Variants in SLF1 observed in about 807,000 individuals in gnomAD.
SLF1 encodes SMC5/6 complex localization factor 1.
Under a neutral mutation model 123.0 loss-of-function variants are expected in SLF1, and 105 were observed. The ratio of observed to expected loss-of-function variants is 0.85; its 90% CI spans 0.73 to 1.00. The LOEUF is 1.00. Among genes scored for constraint, SLF1 ranks in the 50% least tolerant of loss-of-function variants. The pLI, the probability that SLF1 is intolerant of heterozygous loss-of-function variation, is 0.00. For synonymous variants in SLF1, 434 were observed against 406.6 expected, an observed-to-expected ratio of 1.07 and a Z score of -0.81; for missense variants, 1,239 against 1,223.0, an observed-to-expected ratio of 1.01 and a Z score of -0.20.
At chr5:94,676,038 A>G (rs891789913) in intron 14 of SLF1, among the ~76,000 whole-genome samples, 5 of 151,730 alleles carry the variant, frequency 3.3e-5, no homozygotes, top group African/African-American at 1.2e-4. Context: ...GGTGGTCTAA[A>G]GTGATCTTGA....
chr5:94,642,315 A>T (rs888533394), intron 4 of SLF1, among the ~76,000 whole-genome samples: 12 of 152,194 alleles, frequency 7.9e-5, no homozygotes, highest in South Asian at 2.1e-4. Context: ...CATTTAATGG[A>T]GTCATGTGGC....
At chr5:94,625,129 C>T (rs1222834913) in intron 1 of SLF1, among the ~76,000 whole-genome samples, 1 of 150,126 alleles carries the variant, frequency 6.7e-6, no homozygotes, top group Non-Finnish European at 1.5e-5. Context: ...GGAGGCGGAG[C>T]TTGCAGTGAG....
intron 12 of SLF1, 136 bp downstream of exon 12, chr5:94,666,160 TTTA>T: frequency 4.9e-6 from 4 of 813,258 alleles, no homozygotes; most frequent in Non-Finnish European, 5.3e-6. Flanking sequence ...ATGTATTGTA[TTTA>T]TTGCAAAACT....
Position 94,695,390 on chromosome 5 carries a change from T to A in SLF1, c.*78T>A, listed in dbSNP as rs1753455159. ...ACTTACTGTGGACTTCATAGCTTAC[T>A]GACAGATAGTAATTTGATTTATTTA... is the stretch of plus-strand genomic sequence containing the variant. On this transcript the variant is annotated 3_prime_UTR_variant, in exon 21 of 21. Transcript: ENST00000265140. The A allele has an allele frequency of 7.2e-7, 1 of 1,388,438 alleles. No homozygotes were observed. Among genetic ancestry groups the A allele is most frequent in the Non-Finnish European group, 9.5e-7 (1 of 1,054,984 alleles). The allele number at this position is 1,388,438 out of a possible 1,614,324, so 86.0% of individuals were successfully genotyped here. A position where few individuals can be genotyped will look rare whatever the true frequency, so the allele number is the denominator to read the frequency against.
intron 1 of SLF1, among the ~76,000 whole-genome samples, chr5:94,623,191 C>T (rs935014581): frequency 6.6e-6 from 1 of 152,110 alleles, no homozygotes; most frequent in African/African-American, 2.4e-5. Flanking sequence ...GCACCAACTA[C>T]AAAGGAATTT....
At position 94,694,957 on chromosome 5, in the gene SLF1, C is replaced by T; in HGVS notation, c.2822C>T (p.Ala941Val). The T allele has an allele frequency of 1.2e-6, 2 of 1,612,608 alleles. No homozygotes were observed. The highest frequency in any genetic ancestry group is 8.5e-7 in the Non-Finnish European group (1 of 1,179,118). ...GAAGATACAGTGGAGAACTTTCATG[C>T]ACAAGCAGAGAAACATTTTCATTAC... is the stretch of plus-strand genomic sequence containing the variant. ...KIEDTVENFH[A>V]QAEKHFHYQQ... Residue 941 changes from alanine (A) to valine (V), a missense_variant, in exon 21 of 21, where the codon GCA becomes GTA. Physicochemically the swap from Ala to Val is moderately conservative, Grantham distance 64. Coordinates refer to ENST00000265140, the MANE Select transcript of SLF1 (RefSeq NM_032290.4).
intron 12 of SLF1, among the ~76,000 whole-genome samples, chr5:94,667,661 C>T (rs1428886347): frequency 3.3e-5 from 5 of 152,190 alleles, no homozygotes; most frequent in Non-Finnish European, 7.3e-5. Context: ...TCATCTTCAC[C>T]ACTTTCTTGA....
intron 1 of SLF1, among the ~76,000 whole-genome samples, chr5:94,619,526 A>G (rs1032864085): frequency 6.6e-6 from 1 of 152,118 alleles, no homozygotes; most frequent in Non-Finnish European, 1.5e-5. Context: ...CGGGTACTTC[A>G]TATCATTATT....
At chr5:94,621,710 T>G (rs917510665) in intron 1 of SLF1, among the ~76,000 whole-genome samples, 1 of 152,170 alleles carries the variant, frequency 6.6e-6, no homozygotes, top group Non-Finnish European at 1.5e-5. Context: ...CCTCCTAAGC[T>G]TCTCATTTTT....
rs1343945785 is a variant in SLF1, at chr5:94,695,318, C to A, written c.*6C>A. On this transcript the variant is annotated 3_prime_UTR_variant, in exon 21 of 21. Coordinates refer to ENST00000265140, the MANE Select transcript of SLF1 (RefSeq NM_032290.4). ...CAGTCATGGAGTTTTCATGATGATG[C>A]TAGAAAGTATGGATTGACTTTCTAA... 6.3e-7 allele frequency: 1 copy of A among 1,595,916 alleles called. No individual in the cohort carries two copies.
intron 18 of SLF1, 137 bp from the exon 19 acceptor site, chr5:94,691,427 G>T: frequency 2.0e-6 from 1 of 511,308 alleles, no homozygotes. Context: ...TGCAGGGGAT[G>T]TTTAAACCAG....
rs1469581060 is a variant in SLF1, at chr5:94,691,493, A to T, written c.2420-71A>T. Reference sequence around the variant, plus strand: ...GGCATGGGGCCAGATCTCCTAGTTCATGCCCTTTGATTATTTTTTTTAGTT... The same window carrying T: ...GGCATGGGGCCAGATCTCCTAGTTCTTGCCCTTTGATTATTTTTTTTAGTT... On this transcript the variant is annotated intron_variant, in intron 18 of 20. Coordinates refer to ENST00000265140, the MANE Select transcript of SLF1 (RefSeq NM_032290.4). 9 of 1,221,262 alleles carry T rather than the reference A, an allele frequency of 7.4e-6. No homozygotes were observed. The Admixed American group carries it at 2.0e-4, about 27-fold the overall frequency. 75.7% of individuals were successfully genotyped at this position (1,221,262 alleles called of 1,614,324 possible). A position where few individuals can be genotyped will look rare whatever the true frequency, so the allele number is the denominator to read the frequency against.
intron 5 of SLF1, among the ~76,000 whole-genome samples, chr5:94,646,064 A>G (rs935733900): frequency 6.6e-6 from 1 of 152,182 alleles, no homozygotes; most frequent in African/African-American, 2.4e-5. Flanking sequence ...CAGCCTAAGC[A>G]ACGTAGCGAG....
At position 94,689,605 on chromosome 5, in the gene SLF1, A is replaced by G. The variant is rs1402055150; in HGVS notation, c.2418A>G (p.Lys806=). Residue 806 remains lysine, a splice_region_variant and synonymous_variant, in exon 18 of 21, where the codon AAA becomes AAG. Coordinates refer to ENST00000265140, the MANE Select transcript of SLF1 (RefSeq NM_032290.4). ...KKMNFHKTNL[K]GETALHRACI... Reference sequence around the variant, plus strand: ...TGAATTTTCACAAGACTAATCTAAAAGGTATTCCAAGTATTTAAATTAATT... The same window carrying G: ...TGAATTTTCACAAGACTAATCTAAAGGGTATTCCAAGTATTTAAATTAATT... 2 of 1,602,724 alleles carry G rather than the reference A, an allele frequency of 1.2e-6. No individual in the cohort carries two copies. The highest frequency in any genetic ancestry group is 2.2e-5 in the East Asian group (1 of 44,766).
chr5:94,628,056 A>C lies in SLF1; in HGVS notation c.1-755A>C, dbSNP rs193085869. Among the ~76,000 whole-genome samples, 178 of 152,022 alleles carry C rather than the reference A, an allele frequency of 1.2e-3. 3 individuals carry two copies. The East Asian group carries it at 0.023, about 19-fold the overall frequency. On this transcript the variant is annotated intron_variant, in intron 1 of 20. Transcript: ENST00000265140. ...TGGTCAGGCTGGTCTCGAACTCCTG[A>C]CCTCAGGTAATCTGCCCGCCTCGGC...
intron 16 of SLF1, among the ~76,000 whole-genome samples, chr5:94,688,145 T>G (rs1053251287): frequency 6.6e-6 from 1 of 152,044 alleles, no homozygotes; most frequent in African/African-American, 2.4e-5. Flanking sequence ...GTTCAAGGCA[T>G]TATCAGAATG....
At chr5:94,642,776 T>G (rs1746591889) in intron 4 of SLF1, among the ~76,000 whole-genome samples, 1 of 152,156 alleles carries the variant, frequency 6.6e-6, no homozygotes, top group South Asian at 2.1e-4. Flanking sequence ...CTAATTTTAT[T>G]TTTTTATTTT....
At chr5:94,673,055 T>TATG (rs1270778123) in intron 14 of SLF1, among the ~76,000 whole-genome samples, 2 of 152,182 alleles carry the variant, frequency 1.3e-5, no homozygotes, top group Non-Finnish European at 2.9e-5. Flanking sequence ...AAGGGCTACA[T>TATG]ATACATTTAG....
At chr5:94,667,841 C>A (rs982389069) in intron 12 of SLF1, among the ~76,000 whole-genome samples, 1 of 152,142 alleles carries the variant, frequency 6.6e-6, no homozygotes, top group South Asian at 2.1e-4. Flanking sequence ...CTGAAACTCC[C>A]AGGCTCAGGT....
Sources: allele counts gnomAD v4.1 joint callset (sites outside exome capture counted in the v4.1 genomes callset), GRCh38; gene constraint gnomAD v4.1.1; transcripts MANE v1.5; gene names NCBI Gene and HGNC (gene_info 2026-07-23, HGNC 2026-07-21).